CPA6: variants seen among roughly 807,000 people sequenced by gnomAD.
CPA6 encodes the protein carboxypeptidase B.
In CPA6, 58 loss-of-function variants were observed where a neutral mutation model predicts 63.3. That is an observed-to-expected ratio of 0.92 (90% CI 0.74 to 1.14). The LOEUF is 1.14. Ranked by LOEUF, CPA6 falls within the 50% of genes most tolerant of loss-of-function variation. The pLI, the probability that CPA6 is intolerant of heterozygous loss-of-function variation, is 0.00. For synonymous variants in CPA6, 185 were observed against 179.0 expected, an observed-to-expected ratio of 1.03 and a Z score of -0.27; for missense variants, 565 against 526.6, an observed-to-expected ratio of 1.07 and a Z score of -0.71.
At chr8:67,655,921 C>T (rs891759811) in intron 1 of CPA6, among the ~76,000 whole-genome samples, 1 of 152,098 alleles carries the variant, frequency 6.6e-6, no homozygotes, top group Non-Finnish European at 1.5e-5. Context: ...TGATCTCTGG[C>T]TCTGTTTTTT....
intron 8 of CPA6, among the ~76,000 whole-genome samples, chr8:67,477,289 C>T (rs1455167305): frequency 1.5e-5 from 1 of 66,492 alleles, no homozygotes; most frequent in African/African-American, 5.6e-5. Context: ...GACTCCATCT[C>T]AAAAAAAAAA....
intron 1 of CPA6, among the ~76,000 whole-genome samples, chr8:67,710,738 C>G (rs1374615619): frequency 6.7e-6 from 1 of 148,790 alleles, no homozygotes. Flanking sequence ...CAAAGGGGGT[C>G]TGTTTAGTCT....
chr8:67,525,204 C>T (rs1812337235), intron 2 of CPA6, among the ~76,000 whole-genome samples: 1 of 152,136 alleles, frequency 6.6e-6, no homozygotes, highest in African/African-American at 2.4e-5. Flanking sequence ...CCTTTCTTTC[C>T]AACCACAGAA....
chr8:67,590,607 T>C (rs1005122693), intron 2 of CPA6, among the ~76,000 whole-genome samples: 7 of 152,244 alleles, frequency 4.6e-5, no homozygotes, highest in Non-Finnish European at 8.8e-5. Flanking sequence ...TGGTATCTCA[T>C]TGTGGTTTGA....
intron 1 of CPA6, among the ~76,000 whole-genome samples, chr8:67,625,107 C>G (rs1815166465): frequency 6.6e-6 from 1 of 152,006 alleles, no homozygotes; most frequent in African/African-American, 2.4e-5. Flanking sequence ...AGAAAGCAAT[C>G]ATAATGAATG....
At chr8:67,612,292 T>A (rs1459866649) in intron 2 of CPA6, among the ~76,000 whole-genome samples, 1 of 152,194 alleles carries the variant, frequency 6.6e-6, no homozygotes, top group Non-Finnish European at 1.5e-5. Context: ...CTTCCATATA[T>A]TCTCAAAAGG....
chr8:67,631,747 T>C (rs1384092956), intron 1 of CPA6, among the ~76,000 whole-genome samples: 1 of 152,196 alleles, frequency 6.6e-6, no homozygotes, highest in African/African-American at 2.4e-5. Context: ...GCACTGCCTT[T>C]ATGAGCTGTA....
intron 2 of CPA6, among the ~76,000 whole-genome samples, chr8:67,549,159 G>A (rs977912041): frequency 6.6e-6 from 1 of 152,106 alleles, no homozygotes; most frequent in African/African-American, 2.4e-5. Context: ...TTAAAAATGA[G>A]AGCAATCATA....
chr8:67,710,282 T>C (rs146913867), intron 1 of CPA6, among the ~76,000 whole-genome samples: 2 of 152,156 alleles, frequency 1.3e-5, no homozygotes, highest in African/African-American at 2.4e-5. Flanking sequence ...GAGAGAATAA[T>C]TGGTAAATGT....
At chr8:67,601,748 C>T (rs762348874) in intron 2 of CPA6, among the ~76,000 whole-genome samples, 3 of 151,980 alleles carry the variant, frequency 2.0e-5, no homozygotes, top group Non-Finnish European at 4.4e-5. Flanking sequence ...AAGGGAGTAG[C>T]GAAATAGGAA....
chr8:67,729,496 G>T (rs1404020643), intron 1 of CPA6, among the ~76,000 whole-genome samples: 2 of 152,140 alleles, frequency 1.3e-5, no homozygotes, highest in African/African-American at 2.4e-5. Context: ...TGTAGAGATC[G>T]GACTTGAAGA....
intron 2 of CPA6, among the ~76,000 whole-genome samples, chr8:67,520,205 T>A (rs1587516786): frequency 1.3e-5 from 2 of 152,222 alleles, no homozygotes; most frequent in Middle Eastern, 3.4e-3. Context: ...TAAAATAATA[T>A]GAATTACCAC....
At chr8:67,591,715 G>A (rs1400424119) in intron 2 of CPA6, among the ~76,000 whole-genome samples, 10 of 152,194 alleles carry the variant, frequency 6.6e-5, no homozygotes, top group African/African-American at 2.2e-4. Context: ...AAGAAGGCTT[G>A]TGATTTTTGT....
chr8:67,516,073 C>T (rs192983032), intron 3 of CPA6, among the ~76,000 whole-genome samples: 60 of 152,308 alleles, frequency 3.9e-4, no homozygotes, highest in Middle Eastern at 6.8e-3. Flanking sequence ...GCCACCCTGA[C>T]CTTTCCATGG....
chr8:67,530,216 G>C (rs541722389), intron 2 of CPA6, among the ~76,000 whole-genome samples: 34 of 96,650 alleles, frequency 3.5e-4, no homozygotes, highest in Non-Finnish European at 5.7e-4. Context: ...TAAAAAGACA[G>C]GAAAAAAAAA....
At chr8:67,630,756 A>G (rs991098638) in intron 1 of CPA6, among the ~76,000 whole-genome samples, 2 of 152,188 alleles carry the variant, frequency 1.3e-5, no homozygotes, top group African/African-American at 4.8e-5. Flanking sequence ...AGGGCTGCGC[A>G]CGGTGCTAGT....
At chr8:67,713,068 T>A (rs1817296707) in intron 1 of CPA6, among the ~76,000 whole-genome samples, 1 of 132,912 alleles carries the variant, frequency 7.5e-6, no homozygotes, top group Non-Finnish European at 1.6e-5. Context: ...TAAGCATGTG[T>A]GTATCTGTGT....
chr8:67,423,204 C>T lies in CPA6; in HGVS notation c.1127-513G>A, dbSNP rs530061083. 2.0e-5 allele frequency among the ~76,000 whole-genome samples: 3 copies of T among 152,316 alleles called. No homozygotes were observed. In the South Asian group the frequency reaches 6.2e-4, roughly 32 times the overall value. On this transcript the variant is annotated intron_variant, in intron 10 of 10. Coordinates refer to ENST00000297770, the MANE Select transcript of CPA6 (RefSeq NM_020361.5). ...GGTTCAAGTGATTCTCCTGCCTCAG[C>T]CTCCTGAGTAACTGGGATTACAGGC... is the stretch of plus-strand genomic sequence containing the variant.
chr8:67,549,431 T>C (rs566649424), intron 2 of CPA6, among the ~76,000 whole-genome samples: 2 of 152,346 alleles, frequency 1.3e-5, no homozygotes, highest in South Asian at 4.1e-4. Context: ...ATCTATGCCA[T>C]AAACATATTC....
Sources: gnomAD v4.1 joint callset for allele counts (sites outside exome capture counted in the v4.1 genomes callset) on GRCh38, gnomAD v4.1.1 for gene constraint, MANE v1.5 for transcripts, NCBI Gene and HGNC (gene_info 2026-07-23, HGNC 2026-07-21) for gene names.